Variants in ABHD11 observed in about 807,000 individuals in gnomAD.
The protein encoded by ABHD11 is sn-1-specific diacylglycerol lipase ABHD11.
A neutral mutation model predicts 29.0 loss-of-function variants in ABHD11; 26 were observed. The ratio of observed to expected loss-of-function variants is 0.90; its 90% CI spans 0.66 to 1.24. The LOEUF is 1.24. ABHD11 is among the 50% of genes most tolerant of loss of function. The probability of loss-of-function intolerance (pLI) is 0.00; values close to 1 mark genes in which losing one functional copy is unlikely to be tolerated. For synonymous variants in ABHD11, 169 were observed against 166.4 expected, an observed-to-expected ratio of 1.02 and a Z score of -0.12; for missense variants, 381 against 422.4, an observed-to-expected ratio of 0.90 and a Z score of 0.86.
At chr7:73,738,210 T>C in intron 2 of ABHD11, 118 bp downstream of exon 2, 1 of 1,439,508 alleles carries the variant, frequency 6.9e-7, no homozygotes, top group Non-Finnish European at 9.5e-7. Flanking sequence ...GGGTCCATAC[T>C]CAGAGTGAGG....
intron 2 of ABHD11, 45 bp downstream of exon 2, chr7:73,738,283 A>AACCCCC: frequency 1.3e-6 from 1 of 794,004 alleles, no homozygotes; most frequent in Non-Finnish European, 1.9e-6. Context: ...GGCCCCGCCC[A>AACCCCC]CTCCCGCCCA....
chr7:73,737,559 C>T lies in ABHD11; in HGVS notation c.435+3G>A, dbSNP rs10279013. On this transcript the variant is annotated splice_donor_region_variant and intron_variant, in intron 3 of 5. Transcript: ENST00000222800. ...GAGGAGGCCCCAGACATGGGCGGCT[C>T]ACCCTCTGTAGTGCCAGCAGCATGG... 2.0e-3 allele frequency: 3,248 copies of T among 1,598,230 alleles called. 42 individuals carry two copies. In the African/African-American group the frequency reaches 0.03, roughly 15 times the overall value.
rs138787199 is a variant in ABHD11 at position 73,736,531 on chromosome 7, C to T, written c.*28G>A. On this transcript the variant is annotated 3_prime_UTR_variant, in exon 6 of 6. Coordinates refer to ENST00000222800, the MANE Select transcript of ABHD11 (RefSeq NM_148912.4). ...CTGGAATTACAGGCATGAGCCACCACGCCCGGCCATCTTCTTGCCAGCAAC... is the reference window on the plus strand; with the variant it reads ...CTGGAATTACAGGCATGAGCCACCATGCCCGGCCATCTTCTTGCCAGCAAC... 3.0e-5 allele frequency: 48 copies of T among 1,612,230 alleles called. No individual in the cohort carries two copies. Among genetic ancestry groups the T allele is most frequent in the African/African-American group, 1.1e-4 (8 of 75,024 alleles).
In ABHD11 at chr7:73,736,671, A is replaced by G. The variant is rs782019558; in HGVS notation, c.809T>C (p.Ile270Thr). The G allele has an allele frequency of 2.3e-5, 37 of 1,613,734 alleles. No homozygotes were observed. Among genetic ancestry groups the G allele is most frequent in the Non-Finnish European group, 3.1e-5 (36 of 1,180,028 alleles). ...QFVHPSHHPEIMRLFPRAQMQ... is the reference protein window; with the variant it reads ...QFVHPSHHPETMRLFPRAQMQ... ...CTGGGCCCGAGGGAAGAGCCGCATA[A>G]TCTCAGGGTGGTGGCTGGGACTGTG... The change falls in exon 6 of 6, where the codon ATT (isoleucine) becomes ACT (threonine). Residue 270 changes from isoleucine to threonine, a missense_variant. Physicochemically the swap from Ile to Thr is moderately conservative, Grantham distance 89. Transcript: ENST00000222800.
In ABHD11 at chr7:73,738,289, G is replaced by A. The variant is rs782603225; in HGVS notation, c.261+39C>T. ...CTCCTCTCAGGCCCCGCCCACTCCCGCCCAGCCCCAAAGGAGCCCCGCCCA... is the reference window on the plus strand; with the variant it reads ...CTCCTCTCAGGCCCCGCCCACTCCCACCCAGCCCCAAAGGAGCCCCGCCCA... On this transcript the variant is annotated intron_variant, in intron 2 of 5. Coordinates refer to ENST00000222800, the MANE Select transcript of ABHD11 (RefSeq NM_148912.4). 2.9e-5 allele frequency: 22 copies of A among 747,168 alleles called. No homozygotes were observed. In the Admixed American group the frequency reaches 3.0e-4, roughly 10 times the overall value. The allele number at this position is 747,168 out of a possible 1,614,324, so 46.3% of individuals were successfully genotyped here.
intron 2 of ABHD11, chr7:73,738,063 C>A (rs782733380): frequency 2.2e-5 from 17 of 757,756 alleles, no homozygotes; most frequent in Non-Finnish European, 3.5e-5. Flanking sequence ...TGGTGAGCTC[C>A]CGGTCATCCC....
Position 73,737,630 on chromosome 7 carries a change from G to T in ABHD11, c.367C>A (p.Leu123Met). The change falls in exon 3 of 6, where the codon CTG (leucine) becomes ATG (methionine). Residue 123 changes from leucine (L) to methionine (M), a missense_variant. Transcript: ENST00000222800. ...DLQDLLPQLG[L>M]VPCVVVGHSM... ...TGGCCAACGACGACGCAGGGCACCA[G>T]GCCCAGCTGGGGCAGAAGGTCCTGC... is the stretch of plus-strand genomic sequence containing the variant. The T allele has an allele frequency of 6.2e-7, 1 of 1,614,100 alleles. No homozygotes were observed. The highest frequency in any genetic ancestry group is 8.5e-7 in the Non-Finnish European group (1 of 1,179,990).
intron 2 of ABHD11, 117 bp downstream of exon 2, chr7:73,738,211 C>CAGAGTGAGGGATCTG: frequency 6.9e-7 from 1 of 1,442,588 alleles, no homozygotes; most frequent in East Asian, 2.5e-5. Context: ...GGTCCATACT[C>CAGAGTGAGGGATCTG]AGAGTGAGGG....
Position 73,738,653 on chromosome 7 carries a change from C to T in ABHD11, c.118G>A (p.Glu40Lys), listed in dbSNP as rs782689770. The T allele has an allele frequency of 1.3e-6, 2 of 1,593,296 alleles. No individual in the cohort carries two copies. The highest frequency in any genetic ancestry group is 1.7e-6 in the Non-Finnish European group (2 of 1,172,516). ...CCGGTGCCCTTGACTGACCTCGGCT[C>T]GGCGCCCCCTCGGCCGCCGCTGCTG... ...SSSSGGRGGA[E>K]PRPLPLSYRL... Residue 40 changes from glutamate (E) to lysine (K), a missense_variant, in exon 1 of 6, where the codon GAG becomes AAG. Glu to Lys is a moderately conservative substitution (Grantham distance 56). Coordinates refer to ENST00000222800, the MANE Select transcript of ABHD11 (RefSeq NM_148912.4).
chr7:73,737,046 C>A lies in ABHD11; in HGVS notation c.671G>T (p.Arg224Met). 6.2e-7 allele frequency: 1 copy of A among 1,614,130 alleles called. No individual in the cohort carries two copies. The highest frequency in any genetic ancestry group is 8.5e-7 in the Non-Finnish European group (1 of 1,180,034). Residue 224 changes from arginine (R) to methionine (M), a missense_variant, in exon 5 of 6, where the codon AGG becomes ATG. Transcript: ENST00000222800. ...CTGGGTCAGGGCATCCAAGTTCACC[C>A]TCCACACGAAGCGCCCGTCTACCTC... ...LVEVDGRFVW[R>M]VNLDALTQHL...
chr7:73,736,988 C>T lies in ABHD11; in HGVS notation c.729G>A (p.Arg243=). 2 of 1,613,770 alleles carry T rather than the reference C, an allele frequency of 1.2e-6. No homozygotes were observed. The highest frequency in any genetic ancestry group is 1.7e-6 in the Non-Finnish European group (2 of 1,179,912). The change falls in exon 5 of 6, where the codon AGG becomes AGA. Residue 243 remains arginine (R), a synonymous_variant. Transcript: ENST00000222800. ...HLDKILAFPQ[R]QESYLGPTLF... is the part of the protein sequence containing the mutation. ...GTGTTGGCCCGAGGTAGGACTCCTG[C>T]CTCTGTGGGAAAGCCAAGATCTTGT...
intron 1 of ABHD11, 75 bp from the exon 2 acceptor site, chr7:73,738,538 G>C: frequency 6.4e-7 from 1 of 1,567,912 alleles, no homozygotes; most frequent in South Asian, 1.2e-5. Context: ...AGAGCTTTGG[G>C]GGAGAGGCCT....
At position 73,737,106 on chromosome 7, in the gene ABHD11, A is replaced by G; in HGVS notation, c.611T>C (p.Met204Thr). The G allele has an allele frequency of 6.2e-7, 1 of 1,613,928 alleles. No homozygotes were observed. The highest frequency in any genetic ancestry group is 8.5e-7 in the Non-Finnish European group (1 of 1,180,016). Residue 204 changes from methionine (M) to threonine (T), a missense_variant, in exon 5 of 6, where the codon ATG becomes ACG. Physicochemically the swap from Met to Thr is moderately conservative, Grantham distance 81. Transcript: ENST00000222800. ...DEQLSSVIQD[M>T]AVRQHLLTNL... ...AGTGAGCAGGTGCTGCCGCACGGCC[A>G]TGTCCTGTGGGGGTGCAGCAGTTGG...
intron 5 of ABHD11, 89 bp from the exon 6 acceptor site, chr7:73,736,780 T>A (rs1799926098): frequency 6.3e-7 from 1 of 1,598,016 alleles, no homozygotes. Flanking sequence ...CGGGGAGAAA[T>A]GGAGAGAGCT....
chr7:73,738,264 C>T, intron 2 of ABHD11, 64 bp downstream of exon 2: 1 of 1,357,676 alleles, frequency 7.4e-7, no homozygotes. Flanking sequence ...CCTGCCCCGC[C>T]TCCTCTCAGG....
Position 73,738,755 on chromosome 7 carries a change from G to T in ABHD11, c.16C>A (p.Arg6=), listed in dbSNP as rs782529366. 8.1e-6 allele frequency: 13 copies of T among 1,608,740 alleles called. No individual in the cohort carries two copies. Among genetic ancestry groups the T allele is most frequent in the Non-Finnish European group, 1.1e-5 (13 of 1,177,506 alleles). Residue 6 remains arginine (R), a synonymous_variant, in exon 1 of 6, where the codon CGA becomes AGA. Coordinates refer to ENST00000222800, the MANE Select transcript of ABHD11 (RefSeq NM_148912.4). MLRWT[R]AWRLPREGLG... is the part of the protein sequence containing the mutation. ...CCCTCACGCGGGAGCCTCCAGGCTC[G>T]GGTCCAGCGGAGCATGCTTGCAAGC...
At chr7:73,736,808 C>A in intron 5 of ABHD11, 117 bp from the exon 6 acceptor site, 1 of 1,576,744 alleles carries the variant, frequency 6.3e-7, no homozygotes, top group Admixed American at 1.7e-5. Flanking sequence ...CCCATATGCC[C>A]GGTGGTATTT....
intron 2 of ABHD11, 162 bp downstream of exon 2, chr7:73,738,166 G>A (rs1800125490): frequency 1.7e-6 from 2 of 1,198,168 alleles, no homozygotes; most frequent in Non-Finnish European, 2.4e-6. Flanking sequence ...TAATGAAGAT[G>A]GCAACGTGAG....
intron 1 of ABHD11, 57 bp from the exon 2 acceptor site, chr7:73,738,520 A>G: frequency 1.3e-6 from 2 of 1,578,464 alleles, no homozygotes; most frequent in Admixed American, 3.7e-5. Flanking sequence ...GGAAAGGGGT[A>G]GGGGGAAAGA....
Sources: allele counts gnomAD v4.1 joint callset, GRCh38; gene constraint gnomAD v4.1.1; transcripts MANE v1.5; gene names NCBI Gene and HGNC (gene_info 2026-07-23, HGNC 2026-07-21).